NXN: variants seen among roughly 807,000 people sequenced by gnomAD.
NXN encodes the protein nucleoredoxin 1.
A neutral mutation model predicts 48.6 loss-of-function variants in NXN; 16 were observed. The ratio of observed to expected loss-of-function variants is 0.33; its 90% CI spans 0.22 to 0.50. The LOEUF is 0.50. NXN is among the 20% of genes least tolerant of loss of function. NXN has a pLI of 0.98. For missense variants in NXN, 492 were observed against 605.5 expected (o/e 0.81, Z 1.97); for synonymous variants, 281 against 269.6 (o/e 1.04, Z -0.41).
chr17:957,480 A>G (rs2069184156), intron 1 of NXN, among the ~76,000 whole-genome samples: 1 of 151,982 alleles, frequency 6.6e-6, no homozygotes, highest in Non-Finnish European at 1.5e-5. Flanking sequence ...AAAAATACAA[A>G]AATTACCTGA....
chr17:912,443 C>T (rs956925237), intron 1 of NXN, among the ~76,000 whole-genome samples: 5 of 152,072 alleles, frequency 3.3e-5, no homozygotes, highest in African/African-American at 9.7e-5. Context: ...AGATTACGCT[C>T]CCCCAACCAC....
At chr17:839,766 G>A (rs1014438803) in intron 1 of NXN, among the ~76,000 whole-genome samples, 2 of 137,904 alleles carry the variant, frequency 1.5e-5, no homozygotes, top group African/African-American at 5.6e-5. Flanking sequence ...TGGTGCCACT[G>A]CACTCCAGCC....
intron 1 of NXN, among the ~76,000 whole-genome samples, chr17:922,332 T>G (rs1048450556): frequency 3.3e-5 from 5 of 151,970 alleles, no homozygotes; most frequent in Admixed American, 6.6e-5. Flanking sequence ...CCAGCTACTC[T>G]ACTCGGGAGA....
At chr17:851,517 A>G (rs1829254665) in intron 1 of NXN, among the ~76,000 whole-genome samples, 1 of 152,164 alleles carries the variant, frequency 6.6e-6, no homozygotes. Flanking sequence ...ACATCCCTTC[A>G]CCTCTTTGAG....
At chr17:841,286 G>A (rs138809300) in intron 1 of NXN, among the ~76,000 whole-genome samples, 4 of 152,340 alleles carry the variant, frequency 2.6e-5, no homozygotes, top group South Asian at 2.1e-4. Flanking sequence ...ACGCTGCAGG[G>A]GCGTCAAAGA....
Position 958,675 on chromosome 17 carries a change from G to A in NXN, c.360+20644C>T, listed in dbSNP as rs922492693. ...AGTCCCAGCTACTCAGGAGGCTGAG[G>A]CAGGAGAATCACCGAGGCGGAGGTA... On this transcript the variant is annotated intron_variant, in intron 1 of 7. Coordinates refer to ENST00000336868, the MANE Select transcript of NXN (RefSeq NM_022463.5). The surrounding 1 kb of genome is among the most constrained non-coding windows in gnomAD (Gnocchi z 6.9). Among the ~76,000 whole-genome samples the A allele has an allele frequency of 6.6e-6, 1 of 152,160 alleles. No individual in the cohort carries two copies. Among genetic ancestry groups the A allele is most frequent in the Non-Finnish European group, 1.5e-5 (1 of 68,040 alleles).
chr17:847,012 C>G (rs1474724442), intron 1 of NXN, among the ~76,000 whole-genome samples: 1 of 152,164 alleles, frequency 6.6e-6, no homozygotes, highest in Admixed American at 6.5e-5. Flanking sequence ...GTAGCGCCTA[C>G]CGCCCCAAAT....
intron 1 of NXN, among the ~76,000 whole-genome samples, chr17:835,334 T>C (rs1597645524): frequency 6.8e-6 from 1 of 146,558 alleles, no homozygotes; most frequent in African/African-American, 2.5e-5. Context: ...GAAAACGTCA[T>C]AGCAAACCCC....
intron 1 of NXN, among the ~76,000 whole-genome samples, chr17:916,704 C>G (rs111726501): frequency 0.03 from 4,623 of 152,136 alleles, 91 homozygotes; most frequent in Non-Finnish European, 0.046. Flanking sequence ...TTTTGGAGGC[C>G]GAGGCAGGTG....
In NXN at chr17:830,916, C is replaced by G. The variant is rs1039697253; in HGVS notation, c.361-4838G>C. ...TCAGAGGGCTGAGGCAGGAGAATCA[C>G]TTGAACCCGGGAGGCGGAGGTTGCT... On this transcript the variant is annotated intron_variant, in intron 1 of 7. Transcript: ENST00000336868. This position sits in a 1 kb window ranked among gnomAD's most constrained non-coding sequence, Gnocchi z 4.2. Among the ~76,000 whole-genome samples, 2 of 151,286 alleles carry G rather than the reference C, an allele frequency of 1.3e-5. No individual in the cohort carries two copies. Among genetic ancestry groups the G allele is most frequent in the East Asian group, 3.9e-4 (2 of 5,120 alleles).
At chr17:903,724 C>G (rs569490641) in intron 1 of NXN, among the ~76,000 whole-genome samples, 2 of 152,164 alleles carry the variant, frequency 1.3e-5, no homozygotes, top group South Asian at 4.1e-4. Flanking sequence ...TTAGTACCCA[C>G]GACAACCCTT....
At chr17:935,379 T>C (rs1475496457) in intron 1 of NXN, among the ~76,000 whole-genome samples, 4 of 152,092 alleles carry the variant, frequency 2.6e-5, no homozygotes, top group Admixed American at 2.0e-4. Flanking sequence ...CCACCTCCTA[T>C]ATCATGTGGT....
intron 1 of NXN, among the ~76,000 whole-genome samples, chr17:831,445 C>CT (rs1567822392): frequency 6.7e-6 from 1 of 149,008 alleles, no homozygotes; most frequent in African/African-American, 2.5e-5. Context: ...TGAGGGCCGA[C>CT]TTTATTTATT....
At chr17:905,339 C>G (rs2068573577) in intron 1 of NXN, 1 of 151,794 alleles carries the variant, frequency 6.6e-6, no homozygotes, top group African/African-American at 2.4e-5. Context: ...ATCCCTGGAG[C>G]CCAGGAGCTA....
chr17:924,397 C>T (rs533326773), intron 1 of NXN, among the ~76,000 whole-genome samples: 2 of 152,268 alleles, frequency 1.3e-5, no homozygotes, highest in East Asian at 3.9e-4. Context: ...GCCACTACGT[C>T]CGGCTAATTT....
intron 1 of NXN, among the ~76,000 whole-genome samples, chr17:962,486 G>A (rs763220182): frequency 2.6e-5 from 4 of 152,080 alleles, no homozygotes; most frequent in Admixed American, 6.5e-5. Context: ...TGGACAACAC[G>A]GTAAAACCCC....
At position 804,201 on chromosome 17, in the gene NXN, C is replaced by T. The variant is rs528141653; in HGVS notation, c.1001-395G>A. On this transcript the variant is annotated intron_variant, in intron 6 of 7. Coordinates refer to ENST00000336868, the MANE Select transcript of NXN (RefSeq NM_022463.5). ...ATGAGAAGCCATGACCTCCGACCTCCGACTTCCCAGTGAAAATGGCAGAAG... is the reference window on the plus strand; with the variant it reads ...ATGAGAAGCCATGACCTCCGACCTCTGACTTCCCAGTGAAAATGGCAGAAG... Among the ~76,000 whole-genome samples, 59 of 152,030 alleles carry T rather than the reference C, an allele frequency of 3.9e-4. 1 individual carries two copies. In the Middle Eastern group the frequency reaches 0.021, roughly 53 times the overall value.
chr17:812,898 G>A (rs933382077), intron 5 of NXN, among the ~76,000 whole-genome samples: 1 of 141,038 alleles, frequency 7.1e-6, no homozygotes, highest in African/African-American at 2.9e-5. Flanking sequence ...GAATGTAGGT[G>A]TGTGCATGTG....
At position 958,641 on chromosome 17, in the gene NXN, TG is replaced by T. The variant is rs1567519635; in HGVS notation, c.360+20677del. ...CAAAAATTAGCCAGGCGTGGTGGCGTGCGCCTGTAGTCCCAGCTACTCAGGA... is the reference window on the plus strand; with the variant it reads ...CAAAAATTAGCCAGGCGTGGTGGCGTCGCCTGTAGTCCCAGCTACTCAGGA... On this transcript the variant is annotated intron_variant, in intron 1 of 7. Coordinates refer to ENST00000336868, the MANE Select transcript of NXN (RefSeq NM_022463.5). This position sits in a 1 kb window ranked among gnomAD's most constrained non-coding sequence, Gnocchi z 6.9. 6.6e-6 allele frequency among the ~76,000 whole-genome samples: 1 copy of T among 151,856 alleles called. No homozygotes were observed. The highest frequency in any genetic ancestry group is 1.5e-5 in the Non-Finnish European group (1 of 67,984).
Sources: gnomAD v4.1 joint callset for allele counts (sites outside exome capture counted in the v4.1 genomes callset) on GRCh38, gnomAD v4.1.1 for gene constraint, Gnocchi (gnomAD v3.1) non-coding constraint, MANE v1.5 for transcripts, NCBI Gene and HGNC (gene_info 2026-07-23, HGNC 2026-07-21) for gene names.